Variants in TBC1D8 observed in about 807,000 individuals in gnomAD.
The protein encoded by TBC1D8 is TBC1 domain family member 8.
TBC1D8 carries 65 observed loss-of-function variants against 118.8 expected under a neutral mutation model. The observed-to-expected ratio is 0.55, with a 90% CI of 0.45 to 0.67. TBC1D8 has a LOEUF of 0.67. Ranked by LOEUF, TBC1D8 falls within the 30% of genes least tolerant of loss-of-function variation. TBC1D8 has a pLI of 0.00. For missense variants in TBC1D8, 1,376 were observed against 1,471.2 expected (o/e 0.94, Z 1.06); for synonymous variants, 566 against 595.8 (o/e 0.95, Z 0.73).
At chr2:101,021,933 C>T (rs773368365) in intron 16 of TBC1D8, among the ~76,000 whole-genome samples, 187 bp from the exon 17 acceptor site, 3 of 152,102 alleles carry the variant, frequency 2.0e-5, no homozygotes, top group African/African-American at 4.8e-5. Flanking sequence ...GTGAGCTCCA[C>T]GGAACTTTGT....
At chr2:101,141,379 T>C (rs1485909672) in intron 1 of TBC1D8, among the ~76,000 whole-genome samples, 1 of 152,184 alleles carries the variant, frequency 6.6e-6, no homozygotes, top group African/African-American at 2.4e-5. Flanking sequence ...TCCCCTGATG[T>C]GCAGATCTTC....
In TBC1D8 at chr2:101,054,341, C is replaced by A. The variant is rs1437643925; in HGVS notation, c.403-5G>T. 2 of 1,555,964 alleles carry A rather than the reference C, an allele frequency of 1.3e-6. No homozygotes were observed. The highest frequency in any genetic ancestry group is 2.7e-5 in the African/African-American group (2 of 73,332). On this transcript the variant is annotated splice_region_variant and splice_polypyrimidine_tract_variant and intron_variant, in intron 3 of 19. Transcript: ENST00000409318. ...GGTCTCCTCGGCTATCAGAGCCTGA[C>A]ACACAGAGATGACAGTCCCTGCTCA... is the stretch of plus-strand genomic sequence containing the variant.
At chr2:101,028,225 C>G in intron 13 of TBC1D8, 78 bp downstream of exon 13, 1 of 1,596,000 alleles carries the variant, frequency 6.3e-7, no homozygotes, top group South Asian at 1.1e-5. Flanking sequence ...CAGGAACCTC[C>G]TTCCACATCC....
chr2:101,102,599 A>G (rs1676923690), intron 1 of TBC1D8, among the ~76,000 whole-genome samples: 1 of 152,088 alleles, frequency 6.6e-6, no homozygotes, highest in African/African-American at 2.4e-5. Flanking sequence ...CTCATTTAAG[A>G]CTCACATAGG....
chr2:101,090,079 G>A, intron 2 of TBC1D8, 130 bp downstream of exon 2: 2 of 885,218 alleles, frequency 2.3e-6, no homozygotes, highest in South Asian at 1.8e-5. Flanking sequence ...GTGGAGGGGA[G>A]GGGAGTTAAG....
chr2:101,121,266 G>A (rs542014145), intron 1 of TBC1D8, among the ~76,000 whole-genome samples: 15 of 152,284 alleles, frequency 9.9e-5, no homozygotes, highest in South Asian at 4.1e-4. Context: ...CTGTTTGAAC[G>A]TGTCATTCCA....
At chr2:101,078,468 G>A (rs2105444150) in intron 2 of TBC1D8, among the ~76,000 whole-genome samples, 1 of 152,300 alleles carries the variant, frequency 6.6e-6, no homozygotes, top group South Asian at 2.1e-4. Context: ...TATCGGTTTA[G>A]TGAGGGCATT....
intron 1 of TBC1D8, among the ~76,000 whole-genome samples, chr2:101,118,555 G>C (rs1677947734): frequency 6.6e-6 from 1 of 151,964 alleles, no homozygotes; most frequent in African/African-American, 2.4e-5. Context: ...AAATTAGCCA[G>C]GCTTGGTGGC....
At chr2:101,147,035 AGGCACGGT>A (rs1474419110) in intron 1 of TBC1D8, among the ~76,000 whole-genome samples, 2 of 150,984 alleles carry the variant, frequency 1.3e-5, no homozygotes, top group Non-Finnish European at 3.0e-5. Flanking sequence ...CAAATGCGCC[AGGCACGGT>A]GGCTCACACC....
chr2:101,017,329 T>A (rs971926433), intron 17 of TBC1D8, among the ~76,000 whole-genome samples: 2 of 152,194 alleles, frequency 1.3e-5, no homozygotes, highest in African/African-American at 4.8e-5. Flanking sequence ...GTATAGTAAT[T>A]ACATAAACCA....
chr2:101,098,265 G>C (rs1164037621), intron 1 of TBC1D8, among the ~76,000 whole-genome samples: 4 of 151,972 alleles, frequency 2.6e-5, no homozygotes, highest in African/African-American at 7.2e-5. Flanking sequence ...GGTGGCAGGG[G>C]CTACTCAGGA....
At chr2:101,084,028 G>T (rs6735634) in intron 2 of TBC1D8, among the ~76,000 whole-genome samples, 26 of 152,094 alleles carry the variant, frequency 1.7e-4, no homozygotes, top group Non-Finnish European at 3.8e-4. Flanking sequence ...GATGTTCTGT[G>T]GGCAAGAAGG....
intron 1 of TBC1D8, among the ~76,000 whole-genome samples, chr2:101,097,260 C>T (rs1027122589): frequency 5.9e-5 from 9 of 151,560 alleles, no homozygotes; most frequent in African/African-American, 2.2e-4. Context: ...CTTCCTTAAA[C>T]AAAAACTGAG....
At chr2:101,142,855 G>T (rs190449055) in intron 1 of TBC1D8, among the ~76,000 whole-genome samples, 1 of 152,170 alleles carries the variant, frequency 6.6e-6, no homozygotes, top group East Asian at 1.9e-4. Context: ...CACAGAAGGG[G>T]TCTCTCAGGC....
At chr2:101,025,156 G>A (rs1011720308) in intron 15 of TBC1D8, among the ~76,000 whole-genome samples, 1 of 152,064 alleles carries the variant, frequency 6.6e-6, no homozygotes, top group Admixed American at 6.6e-5. Flanking sequence ...GGAAAGATAC[G>A]CACATTGTTA....
At chr2:101,016,451 A>C (rs568522725) in intron 17 of TBC1D8, among the ~76,000 whole-genome samples, 2,310 of 152,054 alleles carry the variant, frequency 0.015, 76 homozygotes, top group African/African-American at 0.052. Context: ...TGTGGAGAAA[A>C]AGGAACACTT....
intron 2 of TBC1D8, among the ~76,000 whole-genome samples, chr2:101,076,307 C>T (rs72821094): frequency 0.13 from 19,158 of 152,058 alleles, 1,347 homozygotes; most frequent in Non-Finnish European, 0.16. Context: ...ATGATCATAA[C>T]GGAAAAAAAC....
intron 19 of TBC1D8, among the ~76,000 whole-genome samples, chr2:101,010,073 G>A (rs148356916): frequency 0.022 from 3,287 of 151,862 alleles, 123 homozygotes; most frequent in African/African-American, 0.076. Context: ...TAATCCACCC[G>A]CCTCGGCCTC....
chr2:101,130,535 T>TAACCCCCTTGACTAGATA (rs1303413646), intron 1 of TBC1D8, among the ~76,000 whole-genome samples: 1 of 152,260 alleles, frequency 6.6e-6, no homozygotes, highest in East Asian at 1.9e-4. Context: ...TCAAAGGCCC[T>TAACCCCCTTGACTAGATA]AACCCCCTTG....
Sources: allele counts gnomAD v4.1 joint callset (sites outside exome capture counted in the v4.1 genomes callset), GRCh38; gene constraint gnomAD v4.1.1; transcripts MANE v1.5; gene names NCBI Gene and HGNC (gene_info 2026-07-23, HGNC 2026-07-21).